Variants in PKD1L1 observed in about 807,000 individuals in gnomAD.
The protein encoded by PKD1L1 is polycystin 1 like 1, transient receptor potential channel interacting.
In PKD1L1, 236 loss-of-function variants were observed where a neutral mutation model predicts 323.4. The ratio of observed to expected loss-of-function variants is 0.73; its 90% CI spans 0.66 to 0.81. The LOEUF is 0.81. Ranked by LOEUF, PKD1L1 falls within the 40% of genes least tolerant of loss-of-function variation. The pLI, the probability that PKD1L1 is intolerant of heterozygous loss-of-function variation, is 0.00. For missense variants in PKD1L1, 3,320 were observed against 3,508.0 expected (o/e 0.95, Z 1.35); for synonymous variants, 1,344 against 1,335.0 (o/e 1.01, Z -0.15).
chr7:47,947,455 C>T lies in PKD1L1; in HGVS notation c.44+942G>A, dbSNP rs185287853. On this transcript the variant is annotated intron_variant, in intron 1 of 56. Coordinates refer to ENST00000289672, the MANE Select transcript of PKD1L1 (RefSeq NM_138295.5). ...GGCAAGATCTGCAGGCACAGGCTCCCATCATGCCAGGCCAGGGGACAGCGG... is the reference window on the plus strand; with the variant it reads ...GGCAAGATCTGCAGGCACAGGCTCCTATCATGCCAGGCCAGGGGACAGCGG... Among the ~76,000 whole-genome samples, 541 of 152,352 alleles carry T rather than the reference C, an allele frequency of 3.6e-3. 3 individuals carry two copies. The highest frequency in any genetic ancestry group is 6.0e-3 in the Non-Finnish European group (406 of 68,038).
the PKD1L1 span, among the ~76,000 whole-genome samples, chr7:47,954,437 CAGG>C: frequency 6.6e-6 from 1 of 152,086 alleles, no homozygotes; most frequent in African/African-American, 2.4e-5. Context: ...ATGCTGTTAC[CAGG>C]AGAATGAGTT....
intron 13 of PKD1L1, among the ~76,000 whole-genome samples, chr7:47,899,786 T>C (rs770704176): frequency 7.2e-5 from 11 of 151,868 alleles, no homozygotes; most frequent in East Asian, 3.9e-4. Context: ...GAAACCCTGT[T>C]TTTACTAAAA....
Position 47,880,342 on chromosome 7 carries a change from C to T in PKD1L1, c.3520+386G>A, listed in dbSNP as rs552417836. 4.4e-3 allele frequency among the ~76,000 whole-genome samples: 549 copies of T among 125,136 alleles called. 14 individuals are homozygous for T. The highest frequency in any genetic ancestry group is 0.017 in the African/African-American group (516 of 30,346). The allele number at this position is 125,136 out of a possible 152,430, so 82.1% of individuals were successfully genotyped here. ...TGTCGCCCAGGCTGGAGTTCAGTGG[C>T]GCGATCTTGGCTCACTGCAAGCTCC... On this transcript the variant is annotated intron_variant, in intron 21 of 56. Coordinates refer to ENST00000289672, the MANE Select transcript of PKD1L1 (RefSeq NM_138295.5).
chr7:47,877,763 A>T lies in PKD1L1; in HGVS notation c.3521-132T>A. The T allele has an allele frequency of 2.8e-6, 3 of 1,070,528 alleles. No homozygotes were observed. In the South Asian group the frequency reaches 5.1e-5, roughly 18 times the overall value. The allele number at this position is 1,070,528 out of a possible 1,614,324, so 66.3% of individuals were successfully genotyped here. ...TCCCCAGACCAGCAGCATCGGACTA[A>T]CCTGGGAATTTGTCAGAAATGAAGA... On this transcript the variant is annotated intron_variant, in intron 21 of 56. Transcript: ENST00000289672.
intron 4 of PKD1L1, among the ~76,000 whole-genome samples, chr7:47,933,035 T>C (rs1011829256): frequency 2.6e-5 from 4 of 152,178 alleles, no homozygotes; most frequent in African/African-American, 9.7e-5. Context: ...AGAATAGACC[T>C]GCCCCGGTGC....
chr7:47,877,031 C>A (rs1372196800), intron 22 of PKD1L1, among the ~76,000 whole-genome samples: 3 of 152,078 alleles, frequency 2.0e-5, no homozygotes, highest in African/African-American at 7.2e-5. Flanking sequence ...CCTCTCATTT[C>A]ACCCTCACAA....
intron 7 of PKD1L1, among the ~76,000 whole-genome samples, chr7:47,924,013 G>C (rs1426295461): frequency 2.6e-5 from 4 of 151,870 alleles, no homozygotes; most frequent in Non-Finnish European, 5.9e-5. Flanking sequence ...AATTATATAT[G>C]TCAAAAATCT....
At chr7:47,791,307 A>T (rs1285271638) in intron 56 of PKD1L1, among the ~76,000 whole-genome samples, 2 of 152,062 alleles carry the variant, frequency 1.3e-5, no homozygotes, top group Non-Finnish European at 2.9e-5. Flanking sequence ...AATTTTCCCA[A>T]ATATGTCATC....
upstream of PKD1L1, among the ~76,000 whole-genome samples, chr7:47,952,773 C>T (rs977987195): frequency 1.6e-4 from 25 of 152,156 alleles, no homozygotes; most frequent in African/African-American, 4.6e-4. Flanking sequence ...CATCATGGTA[C>T]ACTTTTAAAG....
chr7:47,775,520 T>A (rs1348813516), intron 56 of PKD1L1, among the ~76,000 whole-genome samples: 2 of 152,142 alleles, frequency 1.3e-5, no homozygotes, highest in Non-Finnish European at 2.9e-5. Flanking sequence ...CTAAATAATA[T>A]ACTTCCAAAT....
At chr7:47,960,311 T>C in the PKD1L1 span, among the ~76,000 whole-genome samples, 1 of 145,098 alleles carries the variant, frequency 6.9e-6, no homozygotes, top group Non-Finnish European at 1.5e-5. Context: ...CCCTCCACTA[T>C]TGTCCTATGA....
chr7:47,786,951 A>G (rs1028832518), intron 56 of PKD1L1, among the ~76,000 whole-genome samples: 5 of 152,236 alleles, frequency 3.3e-5, no homozygotes, highest in Admixed American at 6.5e-5. Flanking sequence ...TTTTGTTGCC[A>G]TGAGTCACTT....
At position 47,802,598 on chromosome 7, in the gene PKD1L1, C is replaced by T. The variant is rs956683056; in HGVS notation, c.7962+612G>A. 5.3e-5 allele frequency among the ~76,000 whole-genome samples: 8 copies of T among 152,316 alleles called. No individual in the cohort carries two copies. In the East Asian group the frequency reaches 1.5e-3, roughly 29 times the overall value. ...GCACTTGGCCTAGACTTTCCCTCAG[C>T]CCTGATTGCAATTCTTTGCTGTACT... On this transcript the variant is annotated intron_variant, in intron 53 of 56. Transcript: ENST00000289672.
At chr7:47,792,577 C>A (rs760670341) in intron 56 of PKD1L1, 50 bp downstream of exon 56, 3 of 1,533,612 alleles carry the variant, frequency 2.0e-6, no homozygotes, top group Admixed American at 4.0e-5. Context: ...TCCTTTAGAA[C>A]TTAAATTGCT....
intron 52 of PKD1L1, among the ~76,000 whole-genome samples, chr7:47,807,510 C>T (rs531955506): frequency 6.6e-6 from 1 of 152,206 alleles, no homozygotes; most frequent in South Asian, 2.1e-4. Flanking sequence ...GCCCTGACCA[C>T]CCTCTAGATG....
chr7:47,893,253 A>G (rs1055621120), intron 15 of PKD1L1, among the ~76,000 whole-genome samples: 17 of 150,694 alleles, frequency 1.1e-4, no homozygotes, highest in African/African-American at 2.9e-4. Context: ...AAAAAAAAAA[A>G]AGAGAAAGAA....
chr7:47,790,092 T>C (rs1279395087), intron 56 of PKD1L1, among the ~76,000 whole-genome samples: 1 of 152,038 alleles, frequency 6.6e-6, no homozygotes, highest in Admixed American at 6.6e-5. Flanking sequence ...AGTTTCACTG[T>C]GTTAGCCAGG....
intron 52 of PKD1L1, among the ~76,000 whole-genome samples, chr7:47,807,636 G>A (rs1233791080): frequency 6.6e-6 from 1 of 152,164 alleles, no homozygotes; most frequent in African/African-American, 2.4e-5. Flanking sequence ...CCATGCTGTT[G>A]TGGGGGGATC....
rs144394366 is a variant in PKD1L1 at position 47,780,684 on chromosome 7, C to T, written c.8527-5518G>A. Among the ~76,000 whole-genome samples the T allele has an allele frequency of 8.9e-4, 135 of 152,178 alleles. 1 individual carries two copies. Among genetic ancestry groups the T allele is most frequent in the African/African-American group, 3.1e-3 (127 of 41,520 alleles). ...ATAGTATGTAACCTTTTGAGTTTGG[C>T]TTTTTGCACTCACTCAGCATAATTC... On this transcript the variant is annotated intron_variant, in intron 56 of 56. Transcript: ENST00000289672.
Sources: allele counts gnomAD v4.1 joint callset (sites outside exome capture counted in the v4.1 genomes callset), GRCh38; gene constraint gnomAD v4.1.1; transcripts MANE v1.5; gene names NCBI Gene and HGNC (gene_info 2026-07-23, HGNC 2026-07-21).